The following DLG2 variants were observed in gnomAD, a reference collection of about 807,000 sequenced individuals.
DLG2 encodes disks large homolog 2.
DLG2 carries 45 observed loss-of-function variants against 132.5 expected under a neutral mutation model. The ratio of observed to expected loss-of-function variants is 0.34; its 90% confidence interval spans 0.27 to 0.44. DLG2 has a LOEUF of 0.44. DLG2 is among the 20% of genes least tolerant of loss of function. The pLI is 1.00. For synonymous variants in DLG2, 424 were observed against 419.6 expected (o/e 1.01, Z -0.13); for missense variants, 1,045 against 1,196.9 (o/e 0.87, Z 1.87).
rs35909949 is a variant in DLG2 at position 85,202,145 on chromosome 11, TA to T, written c.187-47495del. 4.5e-3 allele frequency among the ~76,000 whole-genome samples: 642 copies of T among 141,838 alleles called. 5 individuals are homozygous for T. The highest frequency in any genetic ancestry group is 0.015 in the African/African-American group (561 of 38,460). 93.1% of individuals were successfully genotyped at this position (141,838 alleles called of 152,430 possible). ...AAAAGCAATGTGATAAAAAGCTTAT[TA>T]AAAAAAAAAACCCAAAACTTTGCAA... On this transcript the variant is annotated intron_variant, in intron 4 of 27. Coordinates refer to ENST00000376104, the MANE Select transcript of DLG2 (RefSeq NM_001142699.3).
At chr11:83,621,887 C>G (rs1328248977) in intron 19 of DLG2, among the ~76,000 whole-genome samples, 4 of 152,070 alleles carry the variant, frequency 2.6e-5, no homozygotes, top group Non-Finnish European at 5.9e-5. Context: ...ATGCTCTGCT[C>G]TCACTGTCTT....
chr11:83,881,915 A>C (rs2154075795), intron 15 of DLG2, among the ~76,000 whole-genome samples: 1 of 152,340 alleles, frequency 6.6e-6, no homozygotes, highest in South Asian at 2.1e-4. Flanking sequence ...AAATCTAAAA[A>C]AAAGTATGTA....
chr11:84,277,699 TGAAAG>T (rs2097795767), intron 7 of DLG2, among the ~76,000 whole-genome samples: 1 of 151,426 alleles, frequency 6.6e-6, no homozygotes. Flanking sequence ...AGTAGGCAAA[TGAAAG>T]GAAATAAAAA....
chr11:84,377,215 G>T (rs1017700455), intron 7 of DLG2, among the ~76,000 whole-genome samples: 1 of 151,794 alleles, frequency 6.6e-6, no homozygotes, highest in African/African-American at 2.4e-5. Flanking sequence ...ATGAAGAATA[G>T]AAAAACATTT....
Position 84,759,593 on chromosome 11 carries a change from T to A in DLG2, c.358-224862A>T, listed in dbSNP as rs146002038. The stretch of plus-strand genomic sequence containing the variant: ...CAACTGATTCCAAAAACAAATGTTT[T>A]GAATGTAGTTATTGGGAAGTATGGA... On this transcript the variant is annotated intron_variant, in intron 6 of 27. Transcript: ENST00000376104. Among the ~76,000 whole-genome samples the A allele has an allele frequency of 1.8e-3, 273 of 152,352 alleles. 1 individual carries two copies. The highest frequency in any genetic ancestry group is 0.01 in the Middle Eastern group (3 of 294).
chr11:84,669,311 T>C (rs1278232919), intron 6 of DLG2, among the ~76,000 whole-genome samples: 1 of 152,074 alleles, frequency 6.6e-6, no homozygotes, highest in Non-Finnish European at 1.5e-5. Context: ...GAGACAAGGA[T>C]GGAAGTGTCC....
intron 3 of DLG2, among the ~76,000 whole-genome samples, chr11:85,583,193 T>C (rs2078733138): frequency 7.5e-6 from 1 of 133,322 alleles, no homozygotes; most frequent in Admixed American, 7.9e-5. Context: ...TTAAACAGGG[T>C]CTCACTCTGT....
chr11:85,089,943 CAAAGA>C (rs1322662023), intron 6 of DLG2, among the ~76,000 whole-genome samples: 2 of 152,104 alleles, frequency 1.3e-5, no homozygotes, highest in African/African-American at 2.4e-5. Flanking sequence ...TGCAAGACTG[CAAAGA>C]AAAGGGAACT....
At chr11:83,879,056 A>T (rs1173501275) in intron 15 of DLG2, among the ~76,000 whole-genome samples, 1 of 152,170 alleles carries the variant, frequency 6.6e-6, no homozygotes, top group East Asian at 1.9e-4. Context: ...TGAAATTTGA[A>T]TGGTGCTGAA....
At chr11:83,508,639 C>T (rs1490696313) in intron 21 of DLG2, among the ~76,000 whole-genome samples, 2 of 152,038 alleles carry the variant, frequency 1.3e-5, no homozygotes, top group Non-Finnish European at 2.9e-5. Flanking sequence ...CACTAATTAT[C>T]TCATTGAATC....
chr11:84,535,964 T>TATATATATATATATATATATATAA (rs1158998595), intron 6 of DLG2, among the ~76,000 whole-genome samples: 2 of 151,740 alleles, frequency 1.3e-5, no homozygotes, highest in African/African-American at 4.9e-5. Context: ...CATATATATA[T>TATATATATATATATATATATATAA]AAAACTTCTA....
intron 3 of DLG2, among the ~76,000 whole-genome samples, chr11:85,498,265 G>A (rs1483558865): frequency 6.6e-6 from 1 of 152,074 alleles, no homozygotes; most frequent in Non-Finnish European, 1.5e-5. Context: ...GCAAAAAAAA[G>A]CAGGGATTGA....
chr11:83,682,653 G>T (rs940842849), intron 18 of DLG2, among the ~76,000 whole-genome samples: 1 of 152,124 alleles, frequency 6.6e-6, no homozygotes, highest in Admixed American at 6.6e-5. Context: ...CAGGGTTAAA[G>T]CTCTTAATAG....
In DLG2 at chr11:84,943,979, C is replaced by A. The variant is rs367761776; in HGVS notation, c.357+167682G>T. Among the ~76,000 whole-genome samples, 12 of 152,180 alleles carry A rather than the reference C, an allele frequency of 7.9e-5. No individual in the cohort carries two copies. The East Asian group carries it at 2.1e-3, about 27-fold the overall frequency. ...TGTTTGTCTGGGAAAGTCTTCATTTCTCCTTCATGTTTGAAGGATATTTTC... is the reference window on the plus strand; with the variant it reads ...TGTTTGTCTGGGAAAGTCTTCATTTATCCTTCATGTTTGAAGGATATTTTC... On this transcript the variant is annotated intron_variant, in intron 6 of 27. Coordinates refer to ENST00000376104, the MANE Select transcript of DLG2 (RefSeq NM_001142699.3).
intron 6 of DLG2, among the ~76,000 whole-genome samples, chr11:84,874,919 G>A (rs1250898010): frequency 6.6e-6 from 1 of 151,648 alleles, no homozygotes; most frequent in African/African-American, 2.4e-5. Flanking sequence ...TACTTGGGAG[G>A]CTGAGGCAGG....
intron 6 of DLG2, among the ~76,000 whole-genome samples, chr11:84,625,014 C>T (rs1177541091): frequency 5.3e-5 from 8 of 149,758 alleles, no homozygotes; most frequent in South Asian, 2.1e-4. Context: ...GCGCCCGCCA[C>T]TACGCCCGGC....
At chr11:84,096,881 A>C (rs114975861) in intron 10 of DLG2, among the ~76,000 whole-genome samples, 3,600 of 130,262 alleles carry the variant, frequency 0.028, 119 homozygotes, top group African/African-American at 0.088. Flanking sequence ...TTTTGTTGAA[A>C]AAAGATGCAC....
chr11:84,575,719 A>T (rs936768301), intron 6 of DLG2, among the ~76,000 whole-genome samples: 4 of 152,188 alleles, frequency 2.6e-5, no homozygotes, highest in African/African-American at 7.2e-5. Flanking sequence ...TTTAAAATGT[A>T]TAATTATTAT....
intron 6 of DLG2, among the ~76,000 whole-genome samples, chr11:84,948,632 T>C (rs994622230): frequency 6.6e-6 from 1 of 152,216 alleles, no homozygotes; most frequent in Admixed American, 6.5e-5. Flanking sequence ...GGCTTCAATG[T>C]CAGAAACACC....
Sources: allele counts gnomAD v4.1 joint callset (sites outside exome capture counted in the v4.1 genomes callset), GRCh38; gene constraint gnomAD v4.1.1; transcripts MANE v1.5; gene names NCBI Gene and HGNC (gene_info 2026-07-23, HGNC 2026-07-21).